TRIM33: variants seen among roughly 807,000 people sequenced by gnomAD.
TRIM33 encodes the protein E3 ubiquitin-protein ligase TRIM33.
A neutral mutation model predicts 125.4 loss-of-function variants in TRIM33; 20 were observed. The ratio of observed to expected loss-of-function variants is 0.16; its 90% CI spans 0.11 to 0.23. The LOEUF is 0.23. TRIM33 is among the 10% of genes least tolerant of loss of function. The pLI is 1.00. For missense variants in TRIM33, 920 were observed against 1,411.4 expected, an observed-to-expected ratio of 0.65 and a Z score of 5.58; for synonymous variants, 564 against 513.9, an observed-to-expected ratio of 1.10 and a Z score of -1.32.
chr1:114,433,515 AT>A (rs1182867944), intron 5 of TRIM33, 101 bp downstream of exon 5: 8 of 681,584 alleles, frequency 1.2e-5, no homozygotes, highest in African/African-American at 1.8e-5. Context: ...CCTCAAAAAA[AT>A]GTTTTCTTTA....
At chr1:114,435,845 T>C (rs2101209601) in intron 4 of TRIM33, among the ~76,000 whole-genome samples, 1 of 149,556 alleles carries the variant, frequency 6.7e-6, no homozygotes, top group East Asian at 2.0e-4. Context: ...TCCTGCATCA[T>C]TCTCCCGAGT....
rs1046429872 is a variant in TRIM33, at chr1:114,420,424, A to G, written c.2061+1012T>C. On this transcript the variant is annotated intron_variant, in intron 11 of 19. Transcript: ENST00000358465. ...TTCTCTCTGGCTCCAAACTCATACC[A>G]GGAGTGCATCATCGGAACAACGTTT... The G allele has an allele frequency of 3.0e-6, 4 of 1,335,374 alleles. No homozygotes were observed. The African/African-American group carries it at 4.5e-5, about 15-fold the overall frequency. The allele number at this position is 1,335,374 out of a possible 1,614,324, so 82.7% of individuals were successfully genotyped here. A position where few individuals can be genotyped will look rare whatever the true frequency, so the allele number is the denominator to read the frequency against.
At chr1:114,467,193 T>C (rs1650356326) in intron 1 of TRIM33, among the ~76,000 whole-genome samples, 1 of 152,148 alleles carries the variant, frequency 6.6e-6, no homozygotes, top group African/African-American at 2.4e-5. Context: ...AAAGGAAATG[T>C]AGAGGATAAA....
At chr1:114,486,449 C>G (rs1383112341) in intron 1 of TRIM33, among the ~76,000 whole-genome samples, 1 of 150,226 alleles carries the variant, frequency 6.7e-6, no homozygotes, top group African/African-American at 2.5e-5. Context: ...TGGAGAAACT[C>G]CGTTTCTAAC....
intron 17 of TRIM33, among the ~76,000 whole-genome samples, chr1:114,399,976 T>C (rs1651771606): frequency 6.6e-6 from 1 of 152,116 alleles, no homozygotes; most frequent in Non-Finnish European, 1.5e-5. Flanking sequence ...AATATATTAA[T>C]GTTACAATTA....
At chr1:114,437,434 G>A (rs1316321647) in intron 4 of TRIM33, among the ~76,000 whole-genome samples, 1 of 152,130 alleles carries the variant, frequency 6.6e-6, no homozygotes, top group Admixed American at 6.5e-5. Context: ...TACCTCCTGG[G>A]TGCAAGCGAT....
intron 1 of TRIM33, among the ~76,000 whole-genome samples, chr1:114,491,663 G>A (rs1254458785): frequency 3.9e-5 from 6 of 152,098 alleles, no homozygotes; most frequent in African/African-American, 1.4e-4. Flanking sequence ...AATTAGCTGG[G>A]TGTGGTAGCA....
At chr1:114,497,967 T>C (rs115968197) in intron 1 of TRIM33, among the ~76,000 whole-genome samples, 3,657 of 150,468 alleles carry the variant, frequency 0.024, 68 homozygotes, top group Non-Finnish European at 0.038. Flanking sequence ...ATGTCAAAAA[T>C]GTTATATAAT....
rs888412104 is a variant in TRIM33, at chr1:114,395,938, CTTTA to C, written c.*1706_*1709del. 4.1e-5 allele frequency: 8 copies of C among 193,758 alleles called. No individual in the cohort carries two copies. The highest frequency in any genetic ancestry group is 8.1e-5 in the East Asian group (1 of 12,404). 12.0% of individuals were successfully genotyped at this position (193,758 alleles called of 1,614,324 possible). ...TTTGTATAATAATTTCTTTAGAGCA[CTTTA>C]TTTGATTCAATATGCATTAAAAAAT... On this transcript the variant is annotated 3_prime_UTR_variant, in exon 20 of 20. Transcript: ENST00000358465.
Position 114,405,525 on chromosome 1 carries a change from G to A in TRIM33, c.2653C>T (p.Pro885Ser). 1 of 1,614,128 alleles carries A rather than the reference G, an allele frequency of 6.2e-7. No individual in the cohort carries two copies. Among genetic ancestry groups the A allele is most frequent in the Non-Finnish European group, 8.5e-7 (1 of 1,180,016 alleles). ...GGDGNNKDDD[P>S]NEDWCAVCQN... ...CAGACAGCACACCAGTCTTCATTTG[G>A]GTCATCATCTTTATTGTTGCCATCT... Residue 885 changes from proline to serine, a missense_variant, in exon 15 of 20, where the codon CCA becomes TCA. By Grantham distance (74) the Pro-to-Ser change is moderately conservative. Transcript: ENST00000358465.
At chr1:114,442,220 C>T (rs1648696099) in intron 4 of TRIM33, among the ~76,000 whole-genome samples, 1 of 152,100 alleles carries the variant, frequency 6.6e-6, no homozygotes, top group Non-Finnish European at 1.5e-5. Context: ...ATAAACAAAC[C>T]ATTTTGTCTG....
rs778514575 is a variant in TRIM33, at chr1:114,430,894, C to G, written c.1059G>C (p.Glu353Asp). The G allele has an allele frequency of 7.5e-6, 12 of 1,596,890 alleles. No homozygotes were observed. Among genetic ancestry groups the G allele is most frequent in the Admixed American group, 1.7e-5 (1 of 59,970 alleles). Residue 353 changes from glutamate to aspartate, a missense_variant, in exon 6 of 20, where the codon GAG (glutamate) becomes GAC (aspartate). Glu to Asp is a conservative substitution (Grantham distance 45). Coordinates refer to ENST00000358465, the MANE Select transcript of TRIM33 (RefSeq NM_015906.4). ...TTTCCTGTTCTACTCGTTTGTTAGT[C>G]TCATTTACTTCTTTTATCCTGAATA... is the stretch of plus-strand genomic sequence containing the variant. ...QVQNRIKEVN[E>D]TNKRVEQEIK...
chr1:114,443,718 A>G (rs1648804355), intron 4 of TRIM33, among the ~76,000 whole-genome samples: 1 of 151,978 alleles, frequency 6.6e-6, no homozygotes, highest in Non-Finnish European at 1.5e-5. Flanking sequence ...ACTATACACA[A>G]AACTGCAATA....
At chr1:114,469,740 G>T (rs959589631) in intron 1 of TRIM33, among the ~76,000 whole-genome samples, 1 of 152,122 alleles carries the variant, frequency 6.6e-6, no homozygotes, top group African/African-American at 2.4e-5. Context: ...ATGAGCGTGG[G>T]GAACTGAAGA....
At chr1:114,399,696 GA>G (rs1350103474) in intron 17 of TRIM33, 87 bp from the exon 18 acceptor site, 6 of 1,188,636 alleles carry the variant, frequency 5.0e-6, no homozygotes, top group African/African-American at 3.1e-5. Context: ...TAATTTTAGG[GA>G]AAAAAATTAT....
chr1:114,429,585 T>G (rs1647811791), intron 6 of TRIM33, among the ~76,000 whole-genome samples: 1 of 151,926 alleles, frequency 6.6e-6, no homozygotes, highest in Non-Finnish European at 1.5e-5. Context: ...TTTTATGTAA[T>G]TATTCACCTA....
At chr1:114,510,457 G>A (rs1287183789) in intron 1 of TRIM33, 94 bp downstream of exon 1, 2 of 1,235,572 alleles carry the variant, frequency 1.6e-6, no homozygotes, top group East Asian at 3.0e-5. Flanking sequence ...GCGCCCGTCC[G>A]AGCAGCCCCA....
At chr1:114,432,523 A>C (rs773941731) in intron 5 of TRIM33, among the ~76,000 whole-genome samples, 2 of 152,214 alleles carry the variant, frequency 1.3e-5, no homozygotes, top group African/African-American at 2.4e-5. Flanking sequence ...ACAGTGGCTC[A>C]GGCCTATAAT....
intron 4 of TRIM33, among the ~76,000 whole-genome samples, chr1:114,437,589 G>A (rs977658937): frequency 2.6e-5 from 4 of 152,074 alleles, no homozygotes; most frequent in Admixed American, 6.6e-5. Context: ...CACCCACCTC[G>A]GCCTCCCAAA....
Sources: gnomAD v4.1 joint callset for allele counts (sites outside exome capture counted in the v4.1 genomes callset) on GRCh38, gnomAD v4.1.1 for gene constraint, MANE v1.5 for transcripts, NCBI Gene and HGNC (gene_info 2026-07-23, HGNC 2026-07-21) for gene names.